The following CTNNA2 variants were observed in gnomAD, a reference collection of about 807,000 sequenced individuals.
The protein encoded by CTNNA2 is catenin alpha-2.
CTNNA2 carries 42 observed loss-of-function variants against 101.0 expected under a neutral mutation model. That is an observed-to-expected ratio of 0.42 (90% CI 0.32 to 0.54). CTNNA2 has a LOEUF of 0.54. Among genes scored for constraint, CTNNA2 ranks in the 20% least tolerant of loss-of-function variants. The probability of loss-of-function intolerance (pLI) is 0.14; values close to 1 mark genes in which losing one functional copy is unlikely to be tolerated. For missense variants in CTNNA2, 871 were observed against 1,223.1 expected, an observed-to-expected ratio of 0.71 and a Z score of 4.29; for synonymous variants, 450 against 456.4, an observed-to-expected ratio of 0.99 and a Z score of 0.18.
intron 7 of CTNNA2, among the ~76,000 whole-genome samples, chr2:80,127,998 C>A (rs141743700): frequency 1.3e-5 from 2 of 151,424 alleles, no homozygotes; most frequent in African/African-American, 4.9e-5. Flanking sequence ...TTTGGACAGG[C>A]GATTGTCATG....
At chr2:80,264,979 T>G (rs1198772886) in intron 7 of CTNNA2, among the ~76,000 whole-genome samples, 14 of 6,076 alleles carry the variant, frequency 2.3e-3, no homozygotes, top group Admixed American at 0.019. Flanking sequence ...GAAGAGGTGT[T>G]TTTTTTTTTT....
chr2:79,600,767 T>C (rs1677501682), intron 1 of CTNNA2, among the ~76,000 whole-genome samples: 1 of 152,158 alleles, frequency 6.6e-6, no homozygotes, highest in African/African-American at 2.4e-5. Flanking sequence ...AAGGCCAAGA[T>C]GAAGGCAGCA....
intron 18 of CTNNA2, among the ~76,000 whole-genome samples, chr2:80,640,117 CAA>C (rs374266410): frequency 6.6e-6 from 1 of 151,746 alleles, no homozygotes; most frequent in Non-Finnish European, 1.5e-5. Flanking sequence ...AACAAAAAAA[CAA>C]AAAAGTCAGT....
intron 2 of CTNNA2, among the ~76,000 whole-genome samples, chr2:79,257,365 G>T (rs1210212069): frequency 1.3e-5 from 2 of 152,056 alleles, no homozygotes; most frequent in Admixed American, 6.6e-5. Flanking sequence ...TCATTTGTTT[G>T]CTTGCTTGTT....
intron 7 of CTNNA2, among the ~76,000 whole-genome samples, chr2:80,095,014 G>A (rs550462381): frequency 3.9e-5 from 6 of 152,212 alleles, no homozygotes; most frequent in Admixed American, 3.3e-4. Context: ...CTGCCTGATT[G>A]CCCTGGCCAG....
Position 80,030,079 on chromosome 2 carries a change from G to A in CTNNA2, c.1056+120282G>A, listed in dbSNP as rs544969227. ...CACAAGCTGAAAACAGCAAGCTCATGCAAACAATAGAGAAAGGCATCTAAG... is the reference window on the plus strand; with the variant it reads ...CACAAGCTGAAAACAGCAAGCTCATACAAACAATAGAGAAAGGCATCTAAG... On this transcript the variant is annotated intron_variant, in intron 7 of 18. Transcript: ENST00000402739. 5.3e-5 allele frequency among the ~76,000 whole-genome samples: 8 copies of A among 152,174 alleles called. No homozygotes were observed. In the East Asian group the frequency reaches 1.5e-3, roughly 29 times the overall value.
At chr2:80,556,212 G>C (rs1331408593) in intron 12 of CTNNA2, among the ~76,000 whole-genome samples, 1 of 152,142 alleles carries the variant, frequency 6.6e-6, no homozygotes, top group African/African-American at 2.4e-5. Flanking sequence ...TATGACTTGA[G>C]AAAATTATGG....
chr2:80,191,703 T>C (rs1383257952), intron 7 of CTNNA2, among the ~76,000 whole-genome samples: 1 of 152,184 alleles, frequency 6.6e-6, no homozygotes, highest in Non-Finnish European at 1.5e-5. Context: ...ATTTGAGAAG[T>C]AAAAATGCCT....
intron 1 of CTNNA2, among the ~76,000 whole-genome samples, chr2:79,610,331 T>C (rs1325346098): frequency 6.6e-6 from 1 of 152,114 alleles, no homozygotes; most frequent in Non-Finnish European, 1.5e-5. Context: ...GAAAATATAG[T>C]GGTAAAAATA....
chr2:80,376,003 T>C (rs1006319910), intron 7 of CTNNA2, among the ~76,000 whole-genome samples: 4 of 152,160 alleles, frequency 2.6e-5, no homozygotes, highest in African/African-American at 7.2e-5. Context: ...TTTTATTCCC[T>C]TGGTAGTTCC....
chr2:80,210,482 C>G (rs903807977), intron 7 of CTNNA2, among the ~76,000 whole-genome samples: 11 of 151,952 alleles, frequency 7.2e-5, no homozygotes, highest in Non-Finnish European at 1.0e-4. Flanking sequence ...TCTGTCCTTG[C>G]GATAGTTTGC....
chr2:80,078,609 T>A (rs1027425084), intron 7 of CTNNA2, among the ~76,000 whole-genome samples: 1 of 152,192 alleles, frequency 6.6e-6, no homozygotes, highest in Non-Finnish European at 1.5e-5. Flanking sequence ...ACCACTAACG[T>A]AATCTAGTAG....
At chr2:80,351,133 A>G (rs1050325732) in intron 7 of CTNNA2, among the ~76,000 whole-genome samples, 1 of 152,160 alleles carries the variant, frequency 6.6e-6, no homozygotes, top group African/African-American at 2.4e-5. Context: ...ACAGATTCCT[A>G]CTATAGCAAG....
chr2:80,428,827 C>G (rs1199339741), intron 9 of CTNNA2, among the ~76,000 whole-genome samples: 3 of 152,070 alleles, frequency 2.0e-5, no homozygotes, highest in Non-Finnish European at 4.4e-5. Context: ...GACGCTATCT[C>G]AAAAACAAAA....
At chr2:79,406,830 T>C (rs997577827) in intron 4 of CTNNA2, among the ~76,000 whole-genome samples, 4 of 151,918 alleles carry the variant, frequency 2.6e-5, no homozygotes, top group Admixed American at 6.6e-5. Context: ...CTGAGTGCTT[T>C]CTCTAGAGTC....
intron 18 of CTNNA2, among the ~76,000 whole-genome samples, chr2:80,636,171 T>A (rs1672860559): frequency 6.6e-6 from 1 of 152,062 alleles, no homozygotes; most frequent in South Asian, 2.1e-4. Context: ...TGTACTTATG[T>A]TCTGGAAAGC....
chr2:79,682,498 T>C (rs1007252855), intron 2 of CTNNA2, among the ~76,000 whole-genome samples: 14 of 151,850 alleles, frequency 9.2e-5, no homozygotes, highest in African/African-American at 2.9e-4. Context: ...TGGCAAGACT[T>C]AAGATATATA....
chr2:80,514,228 A>T (rs1688926976), intron 9 of CTNNA2, among the ~76,000 whole-genome samples: 1 of 152,128 alleles, frequency 6.6e-6, no homozygotes, highest in South Asian at 2.1e-4. Flanking sequence ...GAGGGAGTGC[A>T]TGAGTGAGCA....
intron 7 of CTNNA2, among the ~76,000 whole-genome samples, chr2:80,140,707 C>A (rs1220992546): frequency 6.6e-6 from 1 of 152,184 alleles, no homozygotes; most frequent in South Asian, 2.1e-4. Context: ...ACACATCCAC[C>A]TCCCTTTTAA....
Sources: allele counts gnomAD v4.1 joint callset (sites outside exome capture counted in the v4.1 genomes callset), GRCh38; gene constraint gnomAD v4.1.1; transcripts MANE v1.5; gene names NCBI Gene and HGNC (gene_info 2026-07-23, HGNC 2026-07-21).